Variants in SIPA1L1 observed in about 807,000 individuals in gnomAD.
The protein encoded by SIPA1L1 is signal induced proliferation associated 1 like 1.
SIPA1L1 carries 26 observed loss-of-function variants against 162.7 expected under a neutral mutation model. The observed-to-expected ratio is 0.16, with a 90% CI of 0.12 to 0.22. SIPA1L1 has a LOEUF of 0.22. SIPA1L1 is among the 10% of genes least tolerant of loss of function. The pLI is 1.00. For synonymous variants in SIPA1L1, 829 were observed against 837.4 expected, an observed-to-expected ratio of 0.99 and a Z score of 0.17; for missense variants, 1,874 against 2,241.0, an observed-to-expected ratio of 0.84 and a Z score of 3.31.
At chr14:71,494,831 G>A (rs1335675699) in intron 2 of SIPA1L1, among the ~76,000 whole-genome samples, 1 of 152,050 alleles carries the variant, frequency 6.6e-6, no homozygotes, top group East Asian at 1.9e-4. Flanking sequence ...GTAGAGACAG[G>A]GTTTCACCAT....
At chr14:71,386,546 A>G (rs1274988036) in intron 2 of SIPA1L1, among the ~76,000 whole-genome samples, 2 of 152,180 alleles carry the variant, frequency 1.3e-5, no homozygotes, top group African/African-American at 4.8e-5. Context: ...CAGCGACTAT[A>G]TCTGGTATAT....
chr14:71,438,726 A>G (rs1440976146), intron 2 of SIPA1L1, among the ~76,000 whole-genome samples: 2 of 668 alleles, frequency 3.0e-3, no homozygotes, highest in Non-Finnish European at 4.2e-3. Flanking sequence ...GGAGAGGGCC[A>G]TCGGGAATCT....
chr14:71,325,223 T>C lies in SIPA1L1; in HGVS notation c.-465+4042T>C, dbSNP rs1015238393. Among the ~76,000 whole-genome samples the C allele has an allele frequency of 8.5e-5, 13 of 152,350 alleles. No homozygotes were observed. The East Asian group carries it at 2.5e-3, about 29-fold the overall frequency. ...TGGTATGGGAAATCAATTGGCCTCA[T>C]TGAATTTTTGCTTTTAGTTTTTTTC... On this transcript the variant is annotated intron_variant, in intron 2 of 23. Coordinates refer to ENST00000381232, the MANE Select transcript of SIPA1L1 (RefSeq NM_001386936.1).
chr14:71,698,873 C>T (rs2081866353), intron 13 of SIPA1L1, 108 bp from the exon 14 acceptor site: 2 of 998,946 alleles, frequency 2.0e-6, no homozygotes, highest in East Asian at 4.4e-5. Flanking sequence ...TTCACTATCT[C>T]CATGAAGTCA....
At chr14:71,544,557 T>C (rs2055004709) in intron 4 of SIPA1L1, among the ~76,000 whole-genome samples, 3 of 152,190 alleles carry the variant, frequency 2.0e-5, no homozygotes, top group African/African-American at 7.2e-5. Flanking sequence ...TGGGAAGATA[T>C]TTTCCTATGT....
intron 2 of SIPA1L1, among the ~76,000 whole-genome samples, chr14:71,332,304 T>C (rs1307937105): frequency 6.6e-6 from 1 of 152,202 alleles, no homozygotes; most frequent in Non-Finnish European, 1.5e-5. Context: ...CCTGTCCTTG[T>C]ATAGCTGATA....
chr14:71,434,006 C>CT, intron 2 of SIPA1L1, among the ~76,000 whole-genome samples: 1 of 152,258 alleles, frequency 6.6e-6, no homozygotes, highest in East Asian at 1.9e-4. Flanking sequence ...TTCTCTTTGT[C>CT]CTTTGCTTTT....
chr14:71,368,299 A>G (rs1271735178), intron 2 of SIPA1L1, among the ~76,000 whole-genome samples: 1 of 140,584 alleles, frequency 7.1e-6, no homozygotes, highest in Non-Finnish European at 1.5e-5. Context: ...TCCCAATGCT[A>G]TCCCTCCCCG....
intron 2 of SIPA1L1, chr14:71,330,563 T>G: frequency 7.9e-7 from 1 of 1,259,184 alleles, no homozygotes; most frequent in Non-Finnish European, 1.2e-6. Context: ...TGGGAGGCCT[T>G]TCCTCCTCAG....
chr14:71,673,791 T>A (rs189951799), intron 12 of SIPA1L1, among the ~76,000 whole-genome samples: 2 of 152,298 alleles, frequency 1.3e-5, no homozygotes, highest in East Asian at 3.8e-4. Flanking sequence ...ATTTCACCTG[T>A]TTTGGAGAGG....
At position 71,588,795 on chromosome 14, in the gene SIPA1L1, G is replaced by C; in HGVS notation, c.923G>C (p.Gly308Ala). The C allele has an allele frequency of 6.2e-7, 1 of 1,614,100 alleles. No individual in the cohort carries two copies. The highest frequency in any genetic ancestry group is 2.2e-5 in the East Asian group (1 of 44,866). Residue 308 changes from glycine to alanine, a missense_variant, in exon 5 of 24, where the codon GGG (glycine) becomes GCG (alanine). Around this residue, in one of 5 missense-constraint regions of SIPA1L1, gnomAD observed 685 missense variants for 828.0 expected, o/e 0.83. Coordinates refer to ENST00000381232, the MANE Select transcript of SIPA1L1 (RefSeq NM_001386936.1). The surrounding 1 kb of genome is among the most constrained non-coding windows in gnomAD (Gnocchi z 4.3). The part of the protein sequence containing the change: ...KLRNAKGEEL[G>A]KSSDLEDNRS... ...CGCAATGCCAAAGGTGAAGAACTTG[G>C]GAAGTCATCAGATCTTGAAGATAAC...
chr14:71,388,384 C>T (rs1206209117), intron 2 of SIPA1L1, among the ~76,000 whole-genome samples: 3 of 152,182 alleles, frequency 2.0e-5, no homozygotes, highest in African/African-American at 7.2e-5. Context: ...GAATTATCTG[C>T]AAAACCACAT....
rs369751158 is a variant in SIPA1L1 at position 71,722,278 on chromosome 14, T to G, written c.4209-1369T>G. On this transcript the variant is annotated intron_variant, in intron 17 of 23. Coordinates refer to ENST00000381232, the MANE Select transcript of SIPA1L1 (RefSeq NM_001386936.1). ...CTTTTTTGTGTGGATAGTTGTTCAA[T>G]TTGGTGTTCCTGTGGAGGCACAGTT... Among the ~76,000 whole-genome samples the G allele has an allele frequency of 5.3e-4, 81 of 152,344 alleles. 2 individuals are homozygous for G. In the South Asian group the frequency reaches 0.016, roughly 30 times the overall value.
At chr14:71,444,865 G>A (rs897147472) in intron 2 of SIPA1L1, among the ~76,000 whole-genome samples, 8 of 152,282 alleles carry the variant, frequency 5.3e-5, no homozygotes, top group African/African-American at 1.7e-4. Flanking sequence ...AGCTGATGAA[G>A]TGCTCTTTGC....
chr14:71,552,823 C>CT (rs1203392381), intron 4 of SIPA1L1, among the ~76,000 whole-genome samples: 2 of 152,074 alleles, frequency 1.3e-5, no homozygotes, highest in South Asian at 2.1e-4. Flanking sequence ...TTACTTTGAC[C>CT]TAAGGGACTG....
intron 2 of SIPA1L1, among the ~76,000 whole-genome samples, chr14:71,348,626 T>C (rs1322756662): frequency 6.6e-6 from 1 of 152,226 alleles, no homozygotes; most frequent in Non-Finnish European, 1.5e-5. Flanking sequence ...TGTCATAAAG[T>C]GTATCTGTGT....
intron 13 of SIPA1L1, among the ~76,000 whole-genome samples, chr14:71,697,902 C>T (rs919245191): frequency 6.6e-6 from 1 of 150,652 alleles, no homozygotes; most frequent in Non-Finnish European, 1.5e-5. Context: ...TTTGAGCATG[C>T]AAACCCATTA....
At chr14:71,383,281 A>C (rs1050427939) in intron 2 of SIPA1L1, among the ~76,000 whole-genome samples, 4 of 152,184 alleles carry the variant, frequency 2.6e-5, no homozygotes, top group Admixed American at 2.6e-4. Flanking sequence ...CTTAACCCAC[A>C]CTGGTCCTGG....
intron 4 of SIPA1L1, among the ~76,000 whole-genome samples, chr14:71,563,926 A>G (rs925320433): frequency 6.6e-6 from 1 of 152,138 alleles, no homozygotes; most frequent in Non-Finnish European, 1.5e-5. Context: ...TGCTCAGTAG[A>G]TATTAGTTAT....
Sources: allele counts gnomAD v4.1 joint callset (sites outside exome capture counted in the v4.1 genomes callset), GRCh38; gene constraint gnomAD v4.1.1; regional missense constraint gnomAD v4.1.1; non-coding constraint Gnocchi (gnomAD v3.1); transcripts MANE v1.5; gene names NCBI Gene and HGNC (gene_info 2026-07-23, HGNC 2026-07-21).